SLC35F3: variants seen among roughly 807,000 people sequenced by gnomAD.
SLC35F3 encodes putative thiamine transporter SLC35F3.
A neutral mutation model predicts 49.9 loss-of-function variants in SLC35F3; 25 were observed. That is an observed-to-expected ratio of 0.50 (90% confidence interval 0.37 to 0.70). SLC35F3 has a LOEUF of 0.70. Among genes scored for constraint, SLC35F3 ranks in the 30% least tolerant of loss-of-function variants. SLC35F3 has a pLI of 0.00. For synonymous variants in SLC35F3, 275 were observed against 265.4 expected (o/e 1.04, Z -0.35); for missense variants, 525 against 639.8 (o/e 0.82, Z 1.94).
At chr1:234,289,789 A>G (rs1424388794) in intron 3 of SLC35F3, among the ~76,000 whole-genome samples, 3 of 152,252 alleles carry the variant, frequency 2.0e-5, no homozygotes, top group Non-Finnish European at 2.9e-5. Flanking sequence ...CACAGATAGT[A>G]TTTTAAAAAC....
At chr1:234,012,116 C>T (rs115353934) in intron 2 of SLC35F3, among the ~76,000 whole-genome samples, 6,626 of 152,288 alleles carry the variant, frequency 0.044, 236 homozygotes, top group Non-Finnish European at 0.063. Flanking sequence ...TAAGGGGAGG[C>T]ACTATGCCTG....
chr1:234,129,837 A>G (rs1159995661), intron 2 of SLC35F3, among the ~76,000 whole-genome samples: 1 of 152,194 alleles, frequency 6.6e-6, no homozygotes, highest in African/African-American at 2.4e-5. Flanking sequence ...TTAATTAATG[A>G]TGCTGAAACA....
intron 2 of SLC35F3, among the ~76,000 whole-genome samples, chr1:234,068,456 C>T (rs1664653087): frequency 6.6e-6 from 1 of 152,140 alleles, no homozygotes; most frequent in African/African-American, 2.4e-5. Context: ...CACATGCTAA[C>T]AGCTACAAGA....
In SLC35F3 at chr1:234,214,310, G is replaced by C. The variant is rs548601949; in HGVS notation, c.284-17107G>C. On this transcript the variant is annotated intron_variant, in intron 2 of 7. Transcript: ENST00000366618. This position sits in a 1 kb window ranked among gnomAD's most constrained non-coding sequence, Gnocchi z 8.0. ...GGAGGATGTGCGCTGCAGGGCGGCC[G>C]CCGCAGTGAGCAACGCGGCAACCGG... 676 of 1,297,854 alleles carry C rather than the reference G, an allele frequency of 5.2e-4. 1 individual carries two copies. Among genetic ancestry groups the C allele is most frequent in the Non-Finnish European group, 6.1e-4 (626 of 1,026,530 alleles). 80.4% of individuals were successfully genotyped at this position (1,297,854 alleles called of 1,614,324 possible).
intron 2 of SLC35F3, among the ~76,000 whole-genome samples, chr1:234,191,363 A>G (rs1465268679): frequency 6.6e-6 from 1 of 152,210 alleles, no homozygotes; most frequent in African/African-American, 2.4e-5. Flanking sequence ...GTCAAAAATA[A>G]AATCAACATG....
intron 2 of SLC35F3, among the ~76,000 whole-genome samples, chr1:233,969,499 C>G (rs913927359): frequency 6.6e-6 from 1 of 152,152 alleles, no homozygotes; most frequent in Non-Finnish European, 1.5e-5. Flanking sequence ...CCTGTCTGTT[C>G]TCCTGGTGTT....
At chr1:234,132,496 A>C (rs6586370) in intron 2 of SLC35F3, among the ~76,000 whole-genome samples, 2,194 of 152,332 alleles carry the variant, frequency 0.014, 47 homozygotes, top group African/African-American at 0.049. Flanking sequence ...GTGCATAAGC[A>C]TGCTCATTTC....
chr1:233,927,663 T>C (rs1662181818), intron 2 of SLC35F3, among the ~76,000 whole-genome samples: 1 of 152,124 alleles, frequency 6.6e-6, no homozygotes, highest in African/African-American at 2.4e-5. Flanking sequence ...CTAAAATACA[T>C]ATGGACACAG....
chr1:234,122,278 C>T (rs1665587935), intron 2 of SLC35F3, among the ~76,000 whole-genome samples: 1 of 152,190 alleles, frequency 6.6e-6, no homozygotes, highest in African/African-American at 2.4e-5. Flanking sequence ...TGTAATGATA[C>T]ATCTGAAAAC....
chr1:234,279,917 G>A (rs1414124704), intron 3 of SLC35F3, among the ~76,000 whole-genome samples: 3 of 152,126 alleles, frequency 2.0e-5, no homozygotes, highest in Non-Finnish European at 2.9e-5. Flanking sequence ...CACATTAGTT[G>A]GACTTTCCTA....
chr1:234,047,693 A>G (rs1268195773), intron 2 of SLC35F3, among the ~76,000 whole-genome samples: 3 of 137,802 alleles, frequency 2.2e-5, no homozygotes, highest in Non-Finnish European at 4.4e-5. Flanking sequence ...ACACACACAC[A>G]TACATACACA....
intron 2 of SLC35F3, among the ~76,000 whole-genome samples, chr1:234,132,176 C>T (rs1219642375): frequency 1.3e-5 from 2 of 152,224 alleles, no homozygotes; most frequent in East Asian, 3.8e-4. Flanking sequence ...CTCTGTCTCT[C>T]TCTTCCCCGA....
intron 2 of SLC35F3, among the ~76,000 whole-genome samples, chr1:234,023,942 G>C (rs1427523362): frequency 6.6e-6 from 1 of 152,024 alleles, no homozygotes; most frequent in Non-Finnish European, 1.5e-5. Context: ...CAGCCAAGTG[G>C]AACCTAAGGA....
At chr1:234,154,589 C>G (rs769008396) in intron 2 of SLC35F3, among the ~76,000 whole-genome samples, 31 of 152,116 alleles carry the variant, frequency 2.0e-4, no homozygotes, top group Non-Finnish European at 4.3e-4. Context: ...CCACAGGGGT[C>G]AGGCAGGGGA....
intron 2 of SLC35F3, among the ~76,000 whole-genome samples, chr1:234,056,251 T>G (rs893254286): frequency 1.5e-5 from 2 of 129,608 alleles, no homozygotes; most frequent in African/African-American, 2.6e-5. Context: ...ATGCTCTTAT[T>G]TTAAAGATAT....
intron 2 of SLC35F3, among the ~76,000 whole-genome samples, chr1:233,936,536 T>TTCC (rs751068558): frequency 6.9e-6 from 1 of 145,216 alleles, no homozygotes; most frequent in Non-Finnish European, 1.6e-5. Context: ...CTCCTCCTTC[T>TTCC]TCCTCCTCCT....
chr1:234,068,807 G>T (rs1664657360), intron 2 of SLC35F3, among the ~76,000 whole-genome samples: 1 of 95,650 alleles, frequency 1.0e-5, no homozygotes, highest in Non-Finnish European at 1.9e-5. Context: ...GGAGTGACAG[G>T]ATAAGATTTG....
At chr1:234,169,468 C>G (rs1162562167) in intron 2 of SLC35F3, among the ~76,000 whole-genome samples, 1 of 152,194 alleles carries the variant, frequency 6.6e-6, no homozygotes, top group Non-Finnish European at 1.5e-5. Context: ...CTCTAACATT[C>G]TGGGATTGTG....
At chr1:234,252,101 TCTCTGTCTCC>T (rs1667747122) in intron 3 of SLC35F3, among the ~76,000 whole-genome samples, 2 of 151,550 alleles carry the variant, frequency 1.3e-5, no homozygotes, top group African/African-American at 4.8e-5. Flanking sequence ...AGACAGAGTC[TCTCTGTCTCC>T]CAAGCTGGAG....
Sources: allele counts gnomAD v4.1 joint callset (sites outside exome capture counted in the v4.1 genomes callset), GRCh38; gene constraint gnomAD v4.1.1; non-coding constraint Gnocchi (gnomAD v3.1); transcripts MANE v1.5; gene names NCBI Gene and HGNC (gene_info 2026-07-23, HGNC 2026-07-21).